The following CATSPERT variants were observed in gnomAD, a reference collection of about 807,000 sequenced individuals.
CATSPERT encodes the protein catsper channel auxiliary subunit tau.
chr2:201,504,174 A>G, the CATSPERT span, among the ~76,000 whole-genome samples: 1 of 152,202 alleles, frequency 6.6e-6, no homozygotes, highest in Non-Finnish European at 1.5e-5. Flanking sequence ...GTACCCTACC[A>G]GTTCGCCTCT....
At chr2:201,565,729 C>A in the CATSPERT span, 2 of 1,443,336 alleles carry the variant, frequency 1.4e-6, no homozygotes, top group Non-Finnish European at 1.8e-6. Flanking sequence ...TTTTTTTTAC[C>A]TTTCCCGGGG....
the CATSPERT span, chr2:201,492,815 G>T: frequency 3.3e-6 from 5 of 1,536,436 alleles, no homozygotes; most frequent in East Asian, 7.4e-5. Flanking sequence ...TAGATTTTTG[G>T]TAAGTCCTCC....
At chr2:201,576,050 T>C in the CATSPERT span, among the ~76,000 whole-genome samples, 1 of 152,148 alleles carries the variant, frequency 6.6e-6, no homozygotes, top group Admixed American at 6.5e-5. Context: ...TAAATGTATT[T>C]TTATTATGTT....
the CATSPERT span, chr2:201,535,885 T>A: frequency 4.0e-6 from 6 of 1,517,030 alleles, no homozygotes; most frequent in Non-Finnish European, 4.4e-6. Flanking sequence ...TACCTTTTAA[T>A]TTTTAATCTG....
chr2:201,544,422 A>T, the CATSPERT span, among the ~76,000 whole-genome samples: 1 of 152,168 alleles, frequency 6.6e-6, no homozygotes, highest in Non-Finnish European at 1.5e-5. Context: ...AATTTAAGAG[A>T]TTTTTAAAAG....
At chr2:201,541,308 T>C in the CATSPERT span, among the ~76,000 whole-genome samples, 1 of 151,944 alleles carries the variant, frequency 6.6e-6, no homozygotes, top group Non-Finnish European at 1.5e-5. Context: ...GAAGTTCTAC[T>C]GTGGGTAAAA....
the CATSPERT span, among the ~76,000 whole-genome samples, chr2:201,489,543 A>G: frequency 1.3e-5 from 2 of 152,204 alleles, no homozygotes; most frequent in African/African-American, 4.8e-5. Flanking sequence ...TATAGTGTGT[A>G]TAATATATAG....
chr2:201,579,971 C>T, the CATSPERT span, among the ~76,000 whole-genome samples: 1 of 151,932 alleles, frequency 6.6e-6, no homozygotes, highest in African/African-American at 2.4e-5. Context: ...TCTGCCTCAA[C>T]CTCCCAAGTC....
the CATSPERT span, among the ~76,000 whole-genome samples, chr2:201,544,246 T>C: frequency 6.6e-6 from 1 of 152,170 alleles, no homozygotes; most frequent in Admixed American, 6.5e-5. Flanking sequence ...ATTTTCTTAA[T>C]CCAGTCTATC....
the CATSPERT span, among the ~76,000 whole-genome samples, chr2:201,570,048 A>T: frequency 6.6e-6 from 1 of 152,010 alleles, no homozygotes; most frequent in East Asian, 1.9e-4. Context: ...CAAACGTGGT[A>T]ACAAATGCCT....
At chr2:201,490,352 C>T in the CATSPERT span, among the ~76,000 whole-genome samples, 1 of 152,100 alleles carries the variant, frequency 6.6e-6, no homozygotes, top group East Asian at 1.9e-4. Flanking sequence ...ATTTGTTTAA[C>T]TGAAGCAAAG....
the CATSPERT span, among the ~76,000 whole-genome samples, chr2:201,598,467 A>G: frequency 6.6e-6 from 1 of 152,050 alleles, no homozygotes; most frequent in Non-Finnish European, 1.5e-5. Flanking sequence ...ATGTTCTGGC[A>G]TCTTAAAAAT....
chr2:201,593,592 A>G, the CATSPERT span, among the ~76,000 whole-genome samples: 2 of 128,322 alleles, frequency 1.6e-5, no homozygotes, highest in South Asian at 6.1e-4. Flanking sequence ...AAAGTTTCCC[A>G]TTATTAATGT....
At chr2:201,502,296 G>A in the CATSPERT span, among the ~76,000 whole-genome samples, 116 of 152,216 alleles carry the variant, frequency 7.6e-4, no homozygotes, top group South Asian at 2.1e-3. Context: ...AGTCTGGGCC[G>A]GGTGCAGTGG....
At chr2:201,603,965 A>G in the CATSPERT span, among the ~76,000 whole-genome samples, 19 of 152,330 alleles carry the variant, frequency 1.2e-4, no homozygotes, top group African/African-American at 4.1e-4. Flanking sequence ...TTTCATACCC[A>G]GTTACCACTC....
the CATSPERT span, chr2:201,582,002 CAAAA>C: frequency 6.9e-7 from 1 of 1,449,016 alleles, no homozygotes; most frequent in Non-Finnish European, 9.3e-7. Context: ...AGATAATAAA[CAAAA>C]AAAGCCCATC....
the CATSPERT span, among the ~76,000 whole-genome samples, chr2:201,509,702 T>G: frequency 6.6e-6 from 1 of 151,072 alleles, no homozygotes; most frequent in Non-Finnish European, 1.5e-5. Flanking sequence ...ATTATTTTCA[T>G]GCTTAGAAAT....
At chr2:201,571,379 T>C in the CATSPERT span, among the ~76,000 whole-genome samples, 408 of 152,334 alleles carry the variant, frequency 2.7e-3, 1 homozygote, top group Middle Eastern at 6.8e-3. Flanking sequence ...ATTAAATCTC[T>C]TTCTCAGGTG....
the CATSPERT span, among the ~76,000 whole-genome samples, chr2:201,617,310 C>T: frequency 2.0e-5 from 3 of 152,150 alleles, no homozygotes; most frequent in African/African-American, 4.8e-5. Context: ...TCGAACTATA[C>T]TACAAGGCTA....
Sources: allele counts gnomAD v4.1 joint callset (sites outside exome capture counted in the v4.1 genomes callset), GRCh38; gene constraint gnomAD v4.1.1; transcripts MANE v1.5; gene names NCBI Gene and HGNC (gene_info 2026-07-23, HGNC 2026-07-21).